Variants in KCNN3 observed in about 807,000 individuals in gnomAD.
KCNN3 encodes the protein small conductance calcium-activated potassium channel protein 3.
A neutral mutation model predicts 62.9 loss-of-function variants in KCNN3; 16 were observed. The observed-to-expected ratio is 0.25, with a 90% CI of 0.17 to 0.39. The LOEUF (loss-of-function observed/expected upper bound fraction) is 0.39, where lower values mean the gene tolerates loss of function less well. KCNN3 is among the 10% of genes least tolerant of loss of function. The pLI is 1.00. For synonymous variants in KCNN3, 370 were observed against 389.2 expected, an observed-to-expected ratio of 0.95 and a Z score of 0.58; for missense variants, 599 against 949.4, an observed-to-expected ratio of 0.63 and a Z score of 4.85.
At chr1:154,779,869 G>A (rs2101848753) in intron 2 of KCNN3, among the ~76,000 whole-genome samples, 1 of 152,320 alleles carries the variant, frequency 6.6e-6, no homozygotes, top group Non-Finnish European at 1.5e-5. Flanking sequence ...AGCTGTGGGT[G>A]TGTCACAGGC....
At chr1:154,842,864 G>A (rs557146855) in intron 1 of KCNN3, among the ~76,000 whole-genome samples, 12 of 152,242 alleles carry the variant, frequency 7.9e-5, no homozygotes, top group South Asian at 4.1e-4. Flanking sequence ...TTTGGAGTCC[G>A]AAGACCTCAC....
chr1:154,736,308 G>T (rs1298376699), intron 3 of KCNN3, among the ~76,000 whole-genome samples: 4 of 152,232 alleles, frequency 2.6e-5, no homozygotes, highest in Non-Finnish European at 5.9e-5. Flanking sequence ...ATCAGTCTGA[G>T]AAACAATAGA....
At chr1:154,785,838 T>A (rs1051227297) in intron 2 of KCNN3, among the ~76,000 whole-genome samples, 10 of 152,062 alleles carry the variant, frequency 6.6e-5, no homozygotes, top group African/African-American at 2.2e-4. Flanking sequence ...TAGCCTCATA[T>A]GATCAGCCAT....
chr1:154,726,749 C>G (rs1176028930), intron 4 of KCNN3, among the ~76,000 whole-genome samples: 1 of 152,146 alleles, frequency 6.6e-6, no homozygotes, highest in Non-Finnish European at 1.5e-5. Context: ...AAGACAACAC[C>G]ACTTCTGCTG....
intron 2 of KCNN3, among the ~76,000 whole-genome samples, chr1:154,787,362 G>A (rs973779631): frequency 3.3e-5 from 5 of 152,216 alleles, no homozygotes; most frequent in African/African-American, 7.2e-5. Context: ...GCCAGGGCAT[G>A]CGGCAGCCAC....
At chr1:154,841,186 G>A (rs945781094) in intron 1 of KCNN3, among the ~76,000 whole-genome samples, 1 of 152,194 alleles carries the variant, frequency 6.6e-6, no homozygotes, top group Non-Finnish European at 1.5e-5. Flanking sequence ...ACCCACTGTG[G>A]TATAAAAATA....
chr1:154,844,527 G>A (rs1409283066), intron 1 of KCNN3, among the ~76,000 whole-genome samples: 2 of 152,230 alleles, frequency 1.3e-5, no homozygotes, highest in Admixed American at 6.5e-5. Context: ...CCCCAGTGGG[G>A]CAGACGTTAT....
chr1:154,800,617 C>G (rs905472080), intron 2 of KCNN3, among the ~76,000 whole-genome samples: 2 of 152,168 alleles, frequency 1.3e-5, no homozygotes. Flanking sequence ...CTGACACTGG[C>G]ACCTCCTACC....
intron 3 of KCNN3, among the ~76,000 whole-genome samples, chr1:154,757,372 T>C (rs935074623): frequency 2.0e-5 from 3 of 152,214 alleles, no homozygotes; most frequent in Non-Finnish European, 4.4e-5. Flanking sequence ...ACCACTCCTC[T>C]GGCCTTACTG....
intron 2 of KCNN3, among the ~76,000 whole-genome samples, chr1:154,813,792 A>G (rs1005033417): frequency 6.6e-6 from 1 of 152,156 alleles, no homozygotes; most frequent in East Asian, 1.9e-4. Context: ...CAGCCGAGAA[A>G]CAAGCCTTGC....
intron 2 of KCNN3, among the ~76,000 whole-genome samples, chr1:154,806,696 A>C (rs1186381267): frequency 6.6e-6 from 1 of 152,214 alleles, no homozygotes; most frequent in East Asian, 1.9e-4. Flanking sequence ...CCTCCTTGAG[A>C]TGTGCCAGCC....
At chr1:154,863,397 T>C (rs552851162) in intron 1 of KCNN3, among the ~76,000 whole-genome samples, 15 of 152,202 alleles carry the variant, frequency 9.9e-5, no homozygotes, top group Admixed American at 7.9e-4. Context: ...GCTCTCCTTT[T>C]GGGGTTTTGA....
intron 1 of KCNN3, among the ~76,000 whole-genome samples, chr1:154,840,004 G>A (rs1651761662): frequency 6.6e-6 from 1 of 152,168 alleles, no homozygotes; most frequent in African/African-American, 2.4e-5. Context: ...CTAAGACTCA[G>A]ACTGGGAACC....
At chr1:154,841,291 G>A (rs75246314) in intron 1 of KCNN3, among the ~76,000 whole-genome samples, 3,640 of 152,266 alleles carry the variant, frequency 0.024, 140 homozygotes, top group African/African-American at 0.084. Context: ...CGCTCTCCAC[G>A]TGTCTGCATT....
intron 7 of KCNN3, among the ~76,000 whole-genome samples, chr1:154,710,003 G>C (rs570125379): frequency 6.6e-6 from 1 of 152,246 alleles, no homozygotes; most frequent in East Asian, 1.9e-4. Flanking sequence ...AACCTTTATA[G>C]TTTACAAAGC....
chr1:154,780,877 A>G (rs908076306), intron 2 of KCNN3, among the ~76,000 whole-genome samples: 2 of 152,158 alleles, frequency 1.3e-5, no homozygotes, highest in African/African-American at 2.4e-5. Context: ...GGTGGCTCTA[A>G]AAGAGGCCAG....
At chr1:154,768,254 G>A (rs1311106318) in intron 3 of KCNN3, among the ~76,000 whole-genome samples, 2 of 152,212 alleles carry the variant, frequency 1.3e-5, no homozygotes, top group Non-Finnish European at 1.5e-5. Flanking sequence ...TCCAGTCTCT[G>A]GCTGAATAAG....
intron 2 of KCNN3, among the ~76,000 whole-genome samples, chr1:154,806,521 C>T (rs142037253): frequency 2.0e-4 from 31 of 152,328 alleles, no homozygotes; most frequent in East Asian, 1.7e-3. Context: ...ACCCATTAGA[C>T]GGCAGCAGAG....
intron 3 of KCNN3, among the ~76,000 whole-genome samples, chr1:154,741,890 C>T (rs571884583): frequency 1.3e-5 from 2 of 152,308 alleles, no homozygotes; most frequent in Non-Finnish European, 2.9e-5. Context: ...TCTTCAGAGT[C>T]ACACAGTCAG....
Sources: allele counts gnomAD v4.1 joint callset (sites outside exome capture counted in the v4.1 genomes callset), GRCh38; gene constraint gnomAD v4.1.1; transcripts MANE v1.5; gene names NCBI Gene and HGNC (gene_info 2026-07-23, HGNC 2026-07-21).